Variants in TBC1D9 observed in about 807,000 individuals in gnomAD.
TBC1D9 encodes the protein TBC1 domain family member 9, also known as TBC1 domain family member 9A.
Under a neutral mutation model 132.0 loss-of-function variants are expected in TBC1D9, and 63 were observed. The observed-to-expected ratio is 0.48, with a 90% CI of 0.39 to 0.59. The LOEUF is 0.59. TBC1D9 is among the 20% of genes least tolerant of loss of function. The pLI, the probability that TBC1D9 is intolerant of heterozygous loss-of-function variation, is 0.00. For missense variants in TBC1D9, 1,261 were observed against 1,592.7 expected, an observed-to-expected ratio of 0.79 and a Z score of 3.54; for synonymous variants, 610 against 609.9, an observed-to-expected ratio of 1.00 and a Z score of 0.00.
At chr4:140,640,352 A>G (rs1250581612) in intron 13 of TBC1D9, among the ~76,000 whole-genome samples, 2 of 149,914 alleles carry the variant, frequency 1.3e-5, no homozygotes, top group East Asian at 3.9e-4. Context: ...GGAACAGTCA[A>G]CTCTGCATTT....
intron 1 of TBC1D9, among the ~76,000 whole-genome samples, chr4:140,719,698 C>T (rs1001476592): frequency 7.2e-5 from 11 of 152,068 alleles, no homozygotes; most frequent in Non-Finnish European, 1.5e-5. Flanking sequence ...GATCTGGCTG[C>T]GAAGAAAGAA....
In TBC1D9 at chr4:140,677,076, C is replaced by G. The variant is rs941138652; in HGVS notation, c.877G>C (p.Glu293Gln). 5 of 1,613,774 alleles carry G rather than the reference C, an allele frequency of 3.1e-6. No homozygotes were observed. The African/African-American group carries it at 6.7e-5, about 22-fold the overall frequency. ...KRDLDARAKS[E>Q]RYRALFRLPK... ...AGCCGGAAAAGTGCACGGTATCTCT[C>G]ACTCTTTGCCCTGGCATCAAGATCA... Residue 293 changes from glutamate to glutamine, a missense_variant, in exon 6 of 21, where the codon GAG (glutamate) becomes CAG (glutamine). Physicochemically the swap from Glu to Gln is conservative, Grantham distance 29. Coordinates refer to ENST00000442267, the MANE Select transcript of TBC1D9 (RefSeq NM_015130.3).
intron 1 of TBC1D9, among the ~76,000 whole-genome samples, chr4:140,702,969 C>T (rs1738095439): frequency 1.3e-5 from 2 of 152,158 alleles, no homozygotes; most frequent in Admixed American, 6.5e-5. Context: ...AATGGAGACA[C>T]TATTACTACC....
chr4:140,727,498 C>T (rs1450312697), intron 1 of TBC1D9, among the ~76,000 whole-genome samples: 1 of 152,216 alleles, frequency 6.6e-6, no homozygotes, highest in African/African-American at 2.4e-5. Flanking sequence ...TTTTGTGATG[C>T]TATAATCCCC....
chr4:140,751,633 T>C (rs1369653705), intron 1 of TBC1D9, among the ~76,000 whole-genome samples: 1 of 152,198 alleles, frequency 6.6e-6, no homozygotes, highest in Non-Finnish European at 1.5e-5. Flanking sequence ...TAAGAATCTC[T>C]GTTCATTCTT....
intron 20 of TBC1D9, 133 bp from the exon 21 acceptor site, chr4:140,623,050 A>C: frequency 8.9e-7 from 1 of 1,119,588 alleles, no homozygotes; most frequent in Non-Finnish European, 1.2e-6. Context: ...GGCTGGATGG[A>C]CATGTTTAAA....
intron 6 of TBC1D9, among the ~76,000 whole-genome samples, chr4:140,672,052 A>T (rs1737546466): frequency 6.6e-6 from 1 of 152,118 alleles, no homozygotes; most frequent in Non-Finnish European, 1.5e-5. Context: ...AAGACTAAGT[A>T]ACCTATTGAA....
intron 8 of TBC1D9, 151 bp downstream of exon 8, chr4:140,669,483 G>T: frequency 1.1e-6 from 1 of 883,968 alleles, no homozygotes; most frequent in Non-Finnish European, 1.7e-6. Flanking sequence ...AAGCCACTGT[G>T]AAAGTTATAA....
rs540347781 is a variant in TBC1D9, at chr4:140,656,694, T to C, written c.2337+403A>G. ...CCTTAATAAATCTGCTTTTCTTTAC[T>C]TACAACTGTCTTGGTAAATTCTTCC... On this transcript the variant is annotated intron_variant, in intron 13 of 20. Coordinates refer to ENST00000442267, the MANE Select transcript of TBC1D9 (RefSeq NM_015130.3). 3.9e-5 allele frequency among the ~76,000 whole-genome samples: 6 copies of C among 152,346 alleles called. No homozygotes were observed. In the East Asian group the frequency reaches 7.7e-4, roughly 20 times the overall value.
intron 9 of TBC1D9, among the ~76,000 whole-genome samples, chr4:140,664,760 T>TA (rs1169412717): frequency 6.6e-6 from 1 of 152,148 alleles, no homozygotes; most frequent in Non-Finnish European, 1.5e-5. Context: ...GACAACTAGA[T>TA]ATCCATACGG....
At chr4:140,657,017 G>T in intron 13 of TBC1D9, 80 bp downstream of exon 13, 1 of 1,520,316 alleles carries the variant, frequency 6.6e-7, no homozygotes, top group Non-Finnish European at 9.0e-7. Flanking sequence ...GTGGTATTCT[G>T]TTATAGCAGC....
At chr4:140,627,589 T>A in intron 17 of TBC1D9, 62 bp from the exon 18 acceptor site, 4 of 1,048,568 alleles carry the variant, frequency 3.8e-6, no homozygotes, top group Non-Finnish European at 5.8e-6. Flanking sequence ...GAAAGTATGC[T>A]TAATTATTAA....
chr4:140,756,161 T>TGCG lies in TBC1D9; in HGVS notation c.-119_-117dup, dbSNP rs1011715235. 25 of 822,322 alleles carry TGCG rather than the reference T, an allele frequency of 3.0e-5. No homozygotes were observed. Among genetic ancestry groups the TGCG allele is most frequent in the African/African-American group, 1.1e-4 (6 of 55,170 alleles). The allele number at this position is 822,322 out of a possible 1,614,324, so 50.9% of individuals were successfully genotyped here. A position where few individuals can be genotyped will look rare whatever the true frequency, so the allele number is the denominator to read the frequency against. ...CGCGCCCGCCCGCCCGTCCGCTAGG[T>TGCG]GCGGCGGCGGCGGCGGCAGGCGACT... is the stretch of plus-strand genomic sequence containing the variant. On this transcript the variant is annotated 5_prime_UTR_variant, in exon 1 of 21. Transcript: ENST00000442267. This position sits in a 1 kb window ranked among gnomAD's most constrained non-coding sequence, Gnocchi z 5.6.
In TBC1D9 at chr4:140,622,663, C is replaced by A; in HGVS notation, c.3333G>T (p.Glu1111Asp). 1 of 1,609,984 alleles carries A rather than the reference C, an allele frequency of 6.2e-7. No individual in the cohort carries two copies. Among genetic ancestry groups the A allele is most frequent in the Non-Finnish European group, 8.5e-7 (1 of 1,177,952 alleles). ...CGGGGGCCAGGCTGGCCGGCAGGGGCTCAACAGACTCCACCACGTAAGGCT... is the reference window on the plus strand; with the variant it reads ...CGGGGGCCAGGCTGGCCGGCAGGGGATCAACAGACTCCACCACGTAAGGCT... ...PGQPYVVESVEPLPASLAPDS... is the reference protein window; with the variant it reads ...PGQPYVVESVDPLPASLAPDS... The change falls in exon 21 of 21, where the codon GAG becomes GAT. Residue 1111 changes from glutamate (E) to aspartate (D), a missense_variant. Around this residue, in one of 3 missense-constraint regions of TBC1D9, gnomAD observed 618 missense variants for 724.4 expected, o/e 0.85. Transcript: ENST00000442267.
rs781302004 is a variant in TBC1D9, at chr4:140,624,215, C to T, written c.2979G>A (p.Lys993=). The part of the protein sequence containing the change: ...VTVSLKPDKG[K]RANSQENRNY... ...TACGATTTTCTTGGGAATTTGCTCT[C>T]TTCCCTACAACCCAAATGTCAAGAA... Residue 993 remains lysine (K), a synonymous_variant, in exon 20 of 21, where the codon AAG becomes AAA. Coordinates refer to ENST00000442267, the MANE Select transcript of TBC1D9 (RefSeq NM_015130.3). The T allele has an allele frequency of 1.1e-5, 18 of 1,611,440 alleles. No homozygotes were observed. In the East Asian group the frequency reaches 4.0e-4, roughly 36 times the overall value.
chr4:140,722,910 G>A (rs1041819555), intron 1 of TBC1D9, among the ~76,000 whole-genome samples: 1 of 152,040 alleles, frequency 6.6e-6, no homozygotes, highest in Admixed American at 6.6e-5. Context: ...ACTCTTCGGG[G>A]TTCTCTCTCA....
At chr4:140,744,820 T>G (rs1306870255) in intron 1 of TBC1D9, among the ~76,000 whole-genome samples, 1 of 147,894 alleles carries the variant, frequency 6.8e-6, no homozygotes, top group Non-Finnish European at 1.5e-5. Context: ...GAGATAGAGA[T>G]TGCAGTAAGC....
In TBC1D9 at chr4:140,686,382, C is replaced by A; in HGVS notation, c.322G>T (p.Glu108Ter). 6.2e-7 allele frequency: 1 copy of A among 1,611,586 alleles called. No individual in the cohort carries two copies. The change falls in exon 3 of 21, where the codon GAG (glutamate) becomes TAG (stop). Residue 108 changes from glutamate to a stop codon, truncating the protein, a stop_gained. Transcript: ENST00000442267. LOFTEE classifies it high-confidence loss of function. Reference sequence around the variant, plus strand: ...CTCACAAATGTGGTGATATCATTCTCATTTTCAAAGATGGAGAGTGTCTGC... The same window carrying A: ...CTCACAAATGTGGTGATATCATTCTAATTTTCAAAGATGGAGAGTGTCTGC... Reference protein sequence around the residue: ...LLQTLSIFENENDITTFVRGK... With the variant: ...LLQTLSIFEN
intron 11 of TBC1D9, among the ~76,000 whole-genome samples, chr4:140,659,123 G>A (rs1461703384): frequency 6.6e-6 from 1 of 152,174 alleles, no homozygotes; most frequent in African/African-American, 2.4e-5. Flanking sequence ...CCTCAAAACA[G>A]GTGTTTGCTT....
Sources: allele counts gnomAD v4.1 joint callset (sites outside exome capture counted in the v4.1 genomes callset), GRCh38; gene constraint gnomAD v4.1.1; regional missense constraint gnomAD v4.1.1; non-coding constraint Gnocchi (gnomAD v3.1); transcripts MANE v1.5; gene names NCBI Gene and HGNC (gene_info 2026-07-23, HGNC 2026-07-21).